The following DPM2 variants were observed in gnomAD, a reference collection of about 807,000 sequenced individuals.
DPM2 encodes dolichol phosphate-mannose biosynthesis regulatory protein.
In DPM2, 8 loss-of-function variants were observed where a neutral mutation model predicts 12.1. That is an observed-to-expected ratio of 0.66 (90% CI 0.39 to 1.19). DPM2 has a LOEUF of 1.19. Among genes scored for constraint, DPM2 ranks in the 50% most tolerant of loss-of-function variants. The pLI is 0.01. For synonymous variants in DPM2, 38 were observed against 44.7 expected, an observed-to-expected ratio of 0.85 and a Z score of 0.60; for missense variants, 93 against 102.5, an observed-to-expected ratio of 0.91 and a Z score of 0.40.
intron 3 of DPM2, 49 bp downstream of exon 3, chr9:127,936,504 G>A (rs1172379429): frequency 2.5e-6 from 4 of 1,605,780 alleles, no homozygotes; most frequent in Non-Finnish European, 3.4e-6. Context: ...CAGAGGTGGG[G>A]TCTTCCCGAA....
chr9:127,937,707 G>C (rs1831531928), intron 1 of DPM2, 111 bp downstream of exon 1: 3 of 1,428,570 alleles, frequency 2.1e-6, no homozygotes, highest in Non-Finnish European at 2.0e-6. Flanking sequence ...CCGTACAATA[G>C]TGGGGGCGGG....
At position 127,936,948 on chromosome 9, in the gene DPM2, A is replaced by G. The variant is rs923497792; in HGVS notation, c.94-293T>C. ...CTCACAGCCTAGCAAATGGTACTTG[A>G]GGAATCCTCGACTGACTCCCAACCT... On this transcript the variant is annotated intron_variant, in intron 2 of 3. Transcript: ENST00000314392. The G allele has an allele frequency of 3.0e-5, 11 of 362,618 alleles. No homozygotes were observed. The Middle Eastern group carries it at 2.1e-3, about 69-fold the overall frequency. 22.5% of individuals were successfully genotyped at this position (362,618 alleles called of 1,614,324 possible). A position where few individuals can be genotyped will look rare whatever the true frequency, so the allele number is the denominator to read the frequency against.
At position 127,937,832 on chromosome 9, in the gene DPM2, C is replaced by G. The variant is rs1831535944; in HGVS notation, c.-12G>C. The G allele has an allele frequency of 6.3e-7, 1 of 1,597,600 alleles. No homozygotes were observed. Among genetic ancestry groups the G allele is most frequent in the Non-Finnish European group, 8.5e-7 (1 of 1,172,242 alleles). On this transcript the variant is annotated 5_prime_UTR_variant, in exon 1 of 4. Coordinates refer to ENST00000314392, the MANE Select transcript of DPM2 (RefSeq NM_003863.4). Reference sequence around the variant, plus strand: ...GCCAATCTCACCATTTCCCCGCGCGCTCAGCCACCCGAGCCGCAAGCCACA... The same window carrying G: ...GCCAATCTCACCATTTCCCCGCGCGGTCAGCCACCCGAGCCGCAAGCCACA...
chr9:127,937,280 G>A (rs187613066), intron 2 of DPM2, 154 bp downstream of exon 2: 3 of 584,840 alleles, frequency 5.1e-6, no homozygotes, highest in African/African-American at 1.9e-5. Context: ...ATAAAATGCG[G>A]TACCACTGGC....
intron 3 of DPM2, chr9:127,936,203 G>A: frequency 7.9e-7 from 1 of 1,272,790 alleles, no homozygotes; most frequent in Non-Finnish European, 1.1e-6. Flanking sequence ...GCCACAGCCT[G>A]TTCTAGATGT....
intron 1 of DPM2, 81 bp downstream of exon 1, chr9:127,937,737 G>C (rs1831532768): frequency 5.1e-6 from 8 of 1,565,080 alleles, no homozygotes; most frequent in African/African-American, 2.7e-5. Context: ...CCCGTTCCAA[G>C]TGCCCATGCC....
intron 2 of DPM2, chr9:127,937,200 T>G: frequency 7.3e-6 from 3 of 410,582 alleles, no homozygotes; most frequent in Non-Finnish European, 1.3e-5. Context: ...GGAAACAGAG[T>G]TATAAGTGTA....
intron 3 of DPM2, chr9:127,936,199 G>A: frequency 8.0e-7 from 1 of 1,249,568 alleles, no homozygotes; most frequent in Non-Finnish European, 1.1e-6. Context: ...CAGTGCCACA[G>A]CCTGTTCTAG....
At chr9:127,936,821 C>A in intron 2 of DPM2, 166 bp from the exon 3 acceptor site, 1 of 570,934 alleles carries the variant, frequency 1.8e-6, no homozygotes, top group South Asian at 5.0e-5. Flanking sequence ...TGTTTCTTTC[C>A]TTAATTTCTT....
intron 1 of DPM2, 123 bp downstream of exon 1, chr9:127,937,695 G>A: frequency 1.5e-6 from 2 of 1,369,676 alleles, no homozygotes; most frequent in East Asian, 2.3e-5. Context: ...CCGCGTTGTC[G>A]TCCGTACAAT....
Position 127,937,471 on chromosome 9 carries a change from A to C in DPM2, c.56T>G (p.Ile19Ser), listed in dbSNP as rs1411727270. 1 of 1,613,920 alleles carries C rather than the reference A, an allele frequency of 6.2e-7. No homozygotes were observed. Among genetic ancestry groups the C allele is most frequent in the Admixed American group, 1.7e-5 (1 of 59,974 alleles). The part of the protein sequence containing the change: ...VGLGLVAVSL[I>S]IFTYYTAWVI... ...CCAGGCGGTGTAGTAGGTGAAGATG[A>C]TCAGGCTAACGGCGACGAGGCCGAG... is the stretch of plus-strand genomic sequence containing the variant. The change falls in exon 2 of 4, where the codon ATC becomes AGC. Residue 19 changes from isoleucine (I) to serine (S), a missense_variant. Physicochemically the swap from Ile to Ser is moderately radical, Grantham distance 142. Transcript: ENST00000314392.
intron 2 of DPM2, 34 bp downstream of exon 2, chr9:127,937,400 G>A (rs771334517): frequency 8.9e-6 from 14 of 1,567,592 alleles, no homozygotes; most frequent in Non-Finnish European, 1.1e-5. Context: ...CAGGGCTCGG[G>A]GAAGGTGAGC....
Position 127,937,423 on chromosome 9 carries a change from G to A in DPM2, c.93+11C>T. The A allele has an allele frequency of 3.1e-6, 5 of 1,608,862 alleles. No homozygotes were observed. The highest frequency in any genetic ancestry group is 4.3e-6 in the Non-Finnish European group (5 of 1,176,192). ...GGGGAAGGTGAGCAGCGGACGGGGA[G>A]AATGACATACCAAGAGAATCACCCA... On this transcript the variant is annotated intron_variant, in intron 2 of 3. Transcript: ENST00000314392.
At chr9:127,935,993 A>G in intron 3 of DPM2, 1 of 604,916 alleles carries the variant, frequency 1.7e-6, no homozygotes, top group Non-Finnish European at 2.9e-6. Flanking sequence ...CTCAAGCAAG[A>G]TGCTGCATTT....
chr9:127,936,524 AG>A (rs1564141417), intron 3 of DPM2, 28 bp downstream of exon 3: 1 of 1,603,280 alleles, frequency 6.2e-7, no homozygotes. Flanking sequence ...AACCCTGCCC[AG>A]GGTCAAGGGG....
At chr9:127,936,179 A>G in intron 3 of DPM2, 2 of 1,111,984 alleles carry the variant, frequency 1.8e-6, no homozygotes, top group Admixed American at 3.2e-5. Flanking sequence ...TGACTTTCTG[A>G]GCACAGCCTC....
Position 127,935,545 on chromosome 9 carries a change from G to C in DPM2, c.*177C>G. The C allele has an allele frequency of 1.5e-6, 1 of 662,808 alleles. No individual in the cohort carries two copies. Among genetic ancestry groups the C allele is most frequent in the Non-Finnish European group, 2.6e-6 (1 of 377,594 alleles). 41.1% of individuals were successfully genotyped at this position (662,808 alleles called of 1,614,324 possible). On this transcript the variant is annotated 3_prime_UTR_variant, in exon 4 of 4. Coordinates refer to ENST00000314392, the MANE Select transcript of DPM2 (RefSeq NM_003863.4). The stretch of plus-strand genomic sequence containing the variant: ...CCCTCCCTCCTAGCTTCTGGAAGTG[G>C]GAGTCGGGGAGGGGGCTCCAGTCAG...
In DPM2 at chr9:127,937,440, A is replaced by G; in HGVS notation, c.87T>C (p.Ile29=). The G allele has an allele frequency of 1.2e-6, 2 of 1,612,518 alleles. No homozygotes were observed. The highest frequency in any genetic ancestry group is 2.2e-5 in the South Asian group (2 of 90,970). ...GACGGGGAGAATGACATACCAAGAGAATCACCCAGGCGGTGTAGTAGGTGA... is the reference window on the plus strand; with the variant it reads ...GACGGGGAGAATGACATACCAAGAGGATCACCCAGGCGGTGTAGTAGGTGA... ...IIFTYYTAWV[I]LLPFIDSQHV... is the part of the protein sequence containing the mutation. The change falls in exon 2 of 4, where the codon ATT becomes ATC. Residue 29 remains isoleucine, a synonymous_variant. Coordinates refer to ENST00000314392, the MANE Select transcript of DPM2 (RefSeq NM_003863.4).
At chr9:127,936,013 G>A in intron 3 of DPM2, 1 of 599,676 alleles carries the variant, frequency 1.7e-6, no homozygotes, top group East Asian at 2.8e-5. Flanking sequence ...TAGTGTTTCA[G>A]ATTCCAAGGG....
Sources: gnomAD v4.1 joint callset for allele counts on GRCh38, gnomAD v4.1.1 for gene constraint, MANE v1.5 for transcripts, NCBI Gene and HGNC (gene_info 2026-07-23, HGNC 2026-07-21) for gene names.